The following MMS22L variants were observed in gnomAD, a reference collection of about 807,000 sequenced individuals.
MMS22L encodes the protein protein MMS22-like.
A neutral mutation model predicts 159.1 loss-of-function variants in MMS22L; 74 were observed. That is an observed-to-expected ratio of 0.47 (90% CI 0.39 to 0.56). The LOEUF is 0.56. MMS22L is among the 20% of genes least tolerant of loss of function. MMS22L has a pLI of 0.00. For synonymous variants in MMS22L, 517 were observed against 506.9 expected (o/e 1.02, Z -0.27); for missense variants, 1,351 against 1,422.1 (o/e 0.95, Z 0.80).
At chr6:97,150,679 T>G (rs1801236481) in intron 23 of MMS22L, among the ~76,000 whole-genome samples, 1 of 152,184 alleles carries the variant, frequency 6.6e-6, no homozygotes, top group Non-Finnish European at 1.5e-5. Flanking sequence ...AATCCATTGT[T>G]ACTGACTGAT....
intron 14 of MMS22L, among the ~76,000 whole-genome samples, chr6:97,211,578 G>T (rs961892477): frequency 6.6e-6 from 1 of 152,088 alleles, no homozygotes; most frequent in Non-Finnish European, 1.5e-5. Flanking sequence ...CGTGTTGTTA[G>T]CATGTACATA....
chr6:97,255,597 G>C (rs1813711580), intron 9 of MMS22L, among the ~76,000 whole-genome samples: 1 of 151,608 alleles, frequency 6.6e-6, no homozygotes, highest in African/African-American at 2.4e-5. Context: ...CTTTTTTCCT[G>C]TATTTGCATA....
At chr6:97,199,551 A>T (rs1433386645) in intron 14 of MMS22L, among the ~76,000 whole-genome samples, 1 of 152,056 alleles carries the variant, frequency 6.6e-6, no homozygotes, top group South Asian at 2.1e-4. Flanking sequence ...TTGATAAATA[A>T]TTTTTCTAAA....
intron 6 of MMS22L, chr6:97,270,494 T>C (rs2128089626): frequency 3.3e-6 from 1 of 300,232 alleles, no homozygotes; most frequent in East Asian, 9.0e-5. Context: ...AATTCATGTA[T>C]TAGTATTCAA....
At chr6:97,243,894 T>C (rs914801374) in intron 11 of MMS22L, among the ~76,000 whole-genome samples, 4 of 152,136 alleles carry the variant, frequency 2.6e-5, no homozygotes, top group African/African-American at 9.7e-5. Context: ...GGGGGGTGTC[T>C]GCAAAGAGTC....
Position 97,229,012 on chromosome 6 carries a change from A to G in MMS22L, c.1921T>C (p.Leu641=), listed in dbSNP as rs945107363. 5.0e-6 allele frequency: 8 copies of G among 1,614,126 alleles called. No individual in the cohort carries two copies. Among genetic ancestry groups the G allele is most frequent in the Non-Finnish European group, 6.8e-6 (8 of 1,180,002 alleles). ...AGCAGTTTTTCATGGGAAGGATACA[A>G]GCAATAGCTGGTCTCAAACACTTCT... The part of the protein sequence containing the change: ...VQEVFETSYC[L]YPSHEKLLND... The change falls in exon 14 of 25, where the codon TTG becomes CTG. Residue 641 remains leucine, a synonymous_variant. Coordinates refer to ENST00000683635, the MANE Select transcript of MMS22L (RefSeq NM_001350599.2).
chr6:97,144,801 A>T lies in MMS22L; in HGVS notation c.*2005T>A, dbSNP rs1268530643. The T allele has an allele frequency of 6.6e-6, 1 of 152,180 alleles. No individual in the cohort carries two copies. Among genetic ancestry groups the T allele is most frequent in the South Asian group, 2.1e-4 (1 of 4,824 alleles). 9.4% of individuals were successfully genotyped at this position (152,180 alleles called of 1,614,324 possible). A position where few individuals can be genotyped will look rare whatever the true frequency, so the allele number is the denominator to read the frequency against. ...CAATTTAAAAAAAAGCTTTAAAAAA[A>T]GTTACTTATACATAAATACAAAACA... On this transcript the variant is annotated 3_prime_UTR_variant, in exon 25 of 25. Transcript: ENST00000683635.
At chr6:97,185,350 TTC>T (rs2128279198) in intron 15 of MMS22L, among the ~76,000 whole-genome samples, 1 of 152,274 alleles carries the variant, frequency 6.6e-6, no homozygotes, top group African/African-American at 2.4e-5. Context: ...AAGAAAATCA[TTC>T]TCTCCTAAAC....
chr6:97,161,393 G>A (rs1441701009), intron 22 of MMS22L, among the ~76,000 whole-genome samples: 2 of 151,922 alleles, frequency 1.3e-5, no homozygotes, highest in Non-Finnish European at 2.9e-5. Context: ...TTGCTTTAAG[G>A]ACTAATCTAA....
intron 4 of MMS22L, among the ~76,000 whole-genome samples, chr6:97,278,296 G>A (rs946324363): frequency 2.0e-5 from 3 of 151,692 alleles, no homozygotes; most frequent in Admixed American, 6.6e-5. Flanking sequence ...CCAGCTACTC[G>A]GGAGGCTGAG....
intron 23 of MMS22L, among the ~76,000 whole-genome samples, chr6:97,150,802 T>C (rs1801246016): frequency 6.6e-6 from 1 of 152,038 alleles, no homozygotes; most frequent in African/African-American, 2.4e-5. Context: ...TTATTTCTCA[T>C]GGTAGTGGTA....
At chr6:97,269,863 A>G (rs1464490896) in intron 7 of MMS22L, 39 bp downstream of exon 7, 2 of 1,445,200 alleles carry the variant, frequency 1.4e-6, no homozygotes, top group African/African-American at 1.4e-5. Context: ...ATAAAAGCTG[A>G]TTTTAAAAAG....
chr6:97,208,079 T>C (rs760240083), intron 14 of MMS22L, among the ~76,000 whole-genome samples: 21 of 152,134 alleles, frequency 1.4e-4, no homozygotes, highest in Non-Finnish European at 2.8e-4. Flanking sequence ...TTACTGAAAA[T>C]GTTGGTTAAA....
chr6:97,252,859 A>C (rs1813390558), intron 10 of MMS22L, among the ~76,000 whole-genome samples: 1 of 152,166 alleles, frequency 6.6e-6, no homozygotes, highest in African/African-American at 2.4e-5. Flanking sequence ...ATTACAGGTA[A>C]ATTTTCTTAG....
Position 97,278,801 on chromosome 6 carries a change from T to C in MMS22L, c.340+48A>G, listed in dbSNP as rs116105707. ...CATCATGGACCCATGTGCAACTCAC[T>C]ATAATGAAGCACCATTCCCTTTTGC... On this transcript the variant is annotated intron_variant, in intron 4 of 24. Coordinates refer to ENST00000683635, the MANE Select transcript of MMS22L (RefSeq NM_001350599.2). The C allele has an allele frequency of 1.4e-4, 207 of 1,524,814 alleles. No individual in the cohort carries two copies. The African/African-American group carries it at 2.6e-3, about 19-fold the overall frequency. 94.5% of individuals were successfully genotyped at this position (1,524,814 alleles called of 1,614,324 possible).
intron 14 of MMS22L, among the ~76,000 whole-genome samples, chr6:97,213,214 C>T (rs1036047912): frequency 3.3e-5 from 5 of 152,226 alleles, no homozygotes; most frequent in South Asian, 4.1e-4. Flanking sequence ...CAAGACCAGC[C>T]TGACCAACAT....
chr6:97,263,595 T>C (rs1163892821), intron 8 of MMS22L, 147 bp from the exon 9 acceptor site: 1 of 430,822 alleles, frequency 2.3e-6, no homozygotes, highest in Admixed American at 4.4e-5. Context: ...AAATGTGCAA[T>C]TTCATTTAAC....
chr6:97,192,091 T>C (rs1412781516), intron 14 of MMS22L, among the ~76,000 whole-genome samples: 3 of 152,080 alleles, frequency 2.0e-5, no homozygotes, highest in Non-Finnish European at 4.4e-5. Context: ...CACTTTGCAA[T>C]GCCTCCATGT....
At position 97,246,348 on chromosome 6, in the gene MMS22L, A is replaced by G. The variant is rs113417022; in HGVS notation, c.1182+280T>C. Among the ~76,000 whole-genome samples the G allele has an allele frequency of 7.3e-3, 1,106 of 152,302 alleles. 16 individuals carry two copies. The highest frequency in any genetic ancestry group is 0.025 in the African/African-American group (1,033 of 41,564). On this transcript the variant is annotated intron_variant, in intron 11 of 24. Transcript: ENST00000683635. Reference sequence around the variant, plus strand: ...ATTGTGTCACCTAGTTTGATATCATACAGTCAAGGAATGGCATACAGTTCT... The same window carrying G: ...ATTGTGTCACCTAGTTTGATATCATGCAGTCAAGGAATGGCATACAGTTCT...
Sources: allele counts gnomAD v4.1 joint callset (sites outside exome capture counted in the v4.1 genomes callset), GRCh38; gene constraint gnomAD v4.1.1; transcripts MANE v1.5; gene names NCBI Gene and HGNC (gene_info 2026-07-23, HGNC 2026-07-21).